Variants in ZFP30 observed in about 807,000 individuals in gnomAD.
ZFP30 encodes zinc finger protein 30 homolog.
In ZFP30, 16 loss-of-function variants were observed where a neutral mutation model predicts 12.3. The observed-to-expected ratio is 1.30, with a 90% CI of 0.88 to 1.98. The LOEUF is 1.98. ZFP30 is among the 30% of genes most tolerant of loss of function. ZFP30 has a pLI of 0.00. For missense variants in ZFP30, 560 were observed against 611.2 expected, an observed-to-expected ratio of 0.92 and a Z score of 0.88; for synonymous variants, 172 against 201.0, an observed-to-expected ratio of 0.86 and a Z score of 1.22.
chr19:37,651,386 C>G (rs999919191), intron 2 of ZFP30: 2 of 151,910 alleles, frequency 1.3e-5, no homozygotes, highest in Non-Finnish European at 2.9e-5. Flanking sequence ...GCCATCCTGG[C>G]TAAAACGGTG....
At chr19:37,649,719 G>C (rs2044611371) in intron 2 of ZFP30, among the ~76,000 whole-genome samples, 1 of 151,924 alleles carries the variant, frequency 6.6e-6, no homozygotes, top group South Asian at 2.1e-4. Context: ...AGCTCCCTGG[G>C]AGGTCAAGGT....
At chr19:37,649,061 GAT>G (rs2044597470) in intron 2 of ZFP30, among the ~76,000 whole-genome samples, 1 of 151,930 alleles carries the variant, frequency 6.6e-6, no homozygotes, top group South Asian at 2.1e-4. Context: ...AACATAGTAA[GAT>G]ACTGTCTCTA....
intron 5 of ZFP30, among the ~76,000 whole-genome samples, chr19:37,642,781 C>T (rs1471899833): frequency 2.0e-5 from 3 of 151,976 alleles, no homozygotes; most frequent in South Asian, 2.1e-4. Flanking sequence ...TGAGGCCAGG[C>T]GCGGTGGCTC....
chr19:37,650,649 C>A (rs1187163610), intron 2 of ZFP30, among the ~76,000 whole-genome samples: 2 of 152,048 alleles, frequency 1.3e-5, no homozygotes, highest in African/African-American at 4.8e-5. Context: ...CTATAAGAGG[C>A]ATAGTTTTAG....
intron 5 of ZFP30, among the ~76,000 whole-genome samples, chr19:37,636,991 G>A (rs1016988013): frequency 3.9e-5 from 6 of 151,952 alleles, no homozygotes; most frequent in Admixed American, 3.3e-4. Context: ...GATTACAGGC[G>A]TGAGCCACCA....
In ZFP30 at chr19:37,635,841, T is replaced by G; in HGVS notation, c.700A>C (p.Arg234=). Residue 234 remains arginine (R), a synonymous_variant, in exon 6 of 6, where the codon AGA becomes CGA. Coordinates refer to ENST00000684514, the MANE Select transcript of ZFP30 (RefSeq NM_001320669.3). ...TACGGCTTCTCACCAATATGAATTC[T>G]CTGATGTACTCGAAGGTCTGAGCCA... ...TCGSDLRVHQ[R]IHIGEKPYEC... is the part of the protein sequence containing the mutation. 5 of 1,614,212 alleles carry G rather than the reference T, an allele frequency of 3.1e-6. No homozygotes were observed. The highest frequency in any genetic ancestry group is 4.2e-6 in the Non-Finnish European group (5 of 1,180,042).
rs745486784 is a variant in ZFP30 at position 37,636,186 on chromosome 19, TTTC to T, written c.352_354del (p.Glu118del). Reference sequence around the variant, plus strand: ...TGCCTGAAACACACCTCATGAGGACTTTCTTGTTCTTCAAGTCCACAGCTTTTA... The same window carrying T: ...TGCCTGAAACACACCTCATGAGGACTTTGTTCTTCAAGTCCACAGCTTTTA... On this transcript the variant is annotated inframe_deletion, in exon 6 of 6. Transcript: ENST00000684514. 6.2e-7 allele frequency: 1 copy of T among 1,614,188 alleles called. No homozygotes were observed. Among genetic ancestry groups the T allele is most frequent in the South Asian group, 1.1e-5 (1 of 91,086 alleles).
intron 3 of ZFP30, among the ~76,000 whole-genome samples, chr19:37,645,652 A>C (rs1223990450): frequency 6.6e-6 from 1 of 150,932 alleles, no homozygotes; most frequent in East Asian, 1.9e-4. Context: ...AATTATCAGA[A>C]TTTTTCAATT....
chr19:37,635,015 A>G lies in ZFP30; in HGVS notation c.1526T>C (p.Leu509Pro), dbSNP rs2044290710. 1.9e-6 allele frequency: 3 copies of G among 1,567,056 alleles called. No homozygotes were observed. Among genetic ancestry groups the G allele is most frequent in the Non-Finnish European group, 2.6e-6 (3 of 1,160,156 alleles). Residue 509 changes from leucine (L) to proline (P), a missense_variant, in exon 6 of 6, where the codon CTT becomes CCT. By Grantham distance (98) the Leu-to-Pro change is moderately conservative. Coordinates refer to ENST00000684514, the MANE Select transcript of ZFP30 (RefSeq NM_001320669.3). The stretch of plus-strand genomic sequence containing the variant: ...ATTATGAATTCGCTGATGGTAAGTA[A>G]GATGTGAATGTTGTCTAAATGCCTT... ...CKKAFRQHSH[L>P]TYHQRIHNVT
chr19:37,636,305 T>C lies in ZFP30; in HGVS notation c.236A>G (p.Asp79Gly), dbSNP rs552123773. 6.4e-7 allele frequency: 1 copy of C among 1,564,772 alleles called. No homozygotes were observed. Among genetic ancestry groups the C allele is most frequent in the Admixed American group, 2.0e-5 (1 of 50,372 alleles). ...VRDEKRRWTL[D>G]LESRYDTKKL... ...TTTAGTGTCATATCTGGATTCCAAA[T>C]CTGAAAGAAAACAAGACCAAAACAT... Residue 79 changes from aspartate to glycine, a missense_variant and splice_region_variant, in exon 6 of 6, where the codon GAT becomes GGT. Transcript: ENST00000684514.
At chr19:37,648,535 T>A (rs946258562) in intron 2 of ZFP30, among the ~76,000 whole-genome samples, 1 of 152,098 alleles carries the variant, frequency 6.6e-6, no homozygotes, top group East Asian at 1.9e-4. Context: ...CAAAGTTTGG[T>A]AGTCAAACTT....
chr19:37,647,881 G>A lies in ZFP30; in HGVS notation c.-59C>T. 6.3e-7 allele frequency: 1 copy of A among 1,593,744 alleles called. No homozygotes were observed. Among genetic ancestry groups the A allele is most frequent in the Non-Finnish European group, 8.6e-7 (1 of 1,161,616 alleles). ...TCAAGGTTCATGTACTTCAGAAGCA[G>A]GGTCCACAGACACCAGAGCTGCAGA... On this transcript the variant is annotated 5_prime_UTR_variant, in exon 3 of 6. Transcript: ENST00000684514.
At chr19:37,640,067 G>A (rs73932927) in intron 5 of ZFP30, among the ~76,000 whole-genome samples, 57 of 152,254 alleles carry the variant, frequency 3.7e-4, no homozygotes, top group African/African-American at 1.4e-3. Flanking sequence ...TGGATGTTTC[G>A]TAGTATTGGC....
intron 5 of ZFP30, among the ~76,000 whole-genome samples, chr19:37,637,955 C>G (rs2044363262): frequency 6.6e-6 from 1 of 152,190 alleles, no homozygotes; most frequent in African/African-American, 2.4e-5. Context: ...ATTAAATTCT[C>G]ATAATTAGTC....
intron 5 of ZFP30, among the ~76,000 whole-genome samples, chr19:37,637,681 T>A (rs968032265): frequency 1.2e-4 from 18 of 151,922 alleles, no homozygotes; most frequent in African/African-American, 4.4e-4. Flanking sequence ...GTAGAGACAG[T>A]TTCACAATGT....
intron 5 of ZFP30, among the ~76,000 whole-genome samples, chr19:37,637,710 A>G (rs1431221339): frequency 6.6e-6 from 1 of 151,236 alleles, no homozygotes; most frequent in Non-Finnish European, 1.5e-5. Flanking sequence ...CTGATCTCGA[A>G]CTCCTGTCCT....
At chr19:37,639,263 ATAAG>A (rs2044389783) in intron 5 of ZFP30, among the ~76,000 whole-genome samples, 1 of 152,218 alleles carries the variant, frequency 6.6e-6, no homozygotes, top group South Asian at 2.1e-4. Context: ...ATGGTAGTAA[ATAAG>A]TAAGTAGTTA....
At position 37,635,615 on chromosome 19, in the gene ZFP30, C is replaced by T. The variant is rs1438331709; in HGVS notation, c.926G>A (p.Cys309Tyr). Residue 309 changes from cysteine to tyrosine, a missense_variant, in exon 6 of 6, where the codon TGT (cysteine) becomes TAT (tyrosine). By Grantham distance (194) the Cys-to-Tyr change is radical. Transcript: ENST00000684514. The part of the protein sequence containing the change: ...ECKECGQAFL[C>Y]STGLRLHHKL... ...GTGATGTAGTCGAAGGCCTGTACTA[C>T]ACAGAAAGGCCTGACCACATTCCTT... is the stretch of plus-strand genomic sequence containing the variant. 6.2e-7 allele frequency: 1 copy of T among 1,614,088 alleles called. No individual in the cohort carries two copies. Among genetic ancestry groups the T allele is most frequent in the South Asian group, 1.1e-5 (1 of 91,070 alleles).
chr19:37,641,493 C>T (rs1011544770), intron 5 of ZFP30, among the ~76,000 whole-genome samples: 4 of 152,240 alleles, frequency 2.6e-5, no homozygotes, highest in African/African-American at 4.8e-5. Context: ...GTAGACAGAA[C>T]GGCATAATAA....
Sources: allele counts gnomAD v4.1 joint callset (sites outside exome capture counted in the v4.1 genomes callset), GRCh38; gene constraint gnomAD v4.1.1; transcripts MANE v1.5; gene names NCBI Gene and HGNC (gene_info 2026-07-23, HGNC 2026-07-21).